Variants in BNC2 observed in about 807,000 individuals in gnomAD.
The protein encoded by BNC2 is zinc finger protein basonuclin-2.
A neutral mutation model predicts 76.3 loss-of-function variants in BNC2; 20 were observed. The ratio of observed to expected loss-of-function variants is 0.26; its 90% CI spans 0.18 to 0.38. BNC2 has a LOEUF of 0.38. BNC2 is among the 10% of genes least tolerant of loss of function. BNC2 has a pLI of 1.00. For synonymous variants in BNC2, 582 were observed against 514.8 expected (o/e 1.13, Z -1.77); for missense variants, 1,382 against 1,399.8 (o/e 0.99, Z 0.20).
In BNC2 at chr9:16,417,330, G is replaced by C. The variant is rs1820606022; in HGVS notation, c.*1659C>G. The C allele has an allele frequency of 6.6e-6, 1 of 152,472 alleles. No individual in the cohort carries two copies. The highest frequency in any genetic ancestry group is 2.1e-4 in the South Asian group (1 of 4,828). The allele number at this position is 152,472 out of a possible 1,614,324, so 9.4% of individuals were successfully genotyped here. On this transcript the variant is annotated 3_prime_UTR_variant, in exon 7 of 7. Coordinates refer to ENST00000380672, the MANE Select transcript of BNC2 (RefSeq NM_017637.6). ...ATCGGAAACAAAACAAAACAAAAAA[G>C]GTTTGGAGAATAGTCTCTCTCCTCT...
At chr9:16,604,222 T>G (rs1820318573) in intron 3 of BNC2, among the ~76,000 whole-genome samples, 1 of 152,132 alleles carries the variant, frequency 6.6e-6, no homozygotes, top group South Asian at 2.1e-4. Context: ...AATTAGAACC[T>G]CTTTCTCTCT....
intron 3 of BNC2, among the ~76,000 whole-genome samples, chr9:16,602,222 T>C (rs940367083): frequency 1.6e-4 from 24 of 152,208 alleles, no homozygotes; most frequent in African/African-American, 5.1e-4. Context: ...CTCTTCTGGT[T>C]TCTTATTTAA....
intron 5 of BNC2, among the ~76,000 whole-genome samples, chr9:16,439,104 G>A (rs1821076872): frequency 2.0e-5 from 3 of 152,194 alleles, no homozygotes; most frequent in Admixed American, 2.0e-4. Flanking sequence ...TTCCATGTAA[G>A]ATGTGACTTT....
intron 1 of BNC2, among the ~76,000 whole-genome samples, chr9:16,774,183 T>C (rs1404097429): frequency 1.3e-5 from 2 of 152,128 alleles, no homozygotes; most frequent in African/African-American, 4.8e-5. Context: ...GGTTTCACCA[T>C]ATTGGCCAGG....
At chr9:16,465,796 T>C (rs867059473) in intron 5 of BNC2, among the ~76,000 whole-genome samples, 1 of 152,168 alleles carries the variant, frequency 6.6e-6, no homozygotes, top group Non-Finnish European at 1.5e-5. Context: ...GTACAGAGTA[T>C]GCAATTAAAA....
intron 5 of BNC2, among the ~76,000 whole-genome samples, chr9:16,542,064 T>A (rs996359226): frequency 6.6e-6 from 1 of 152,094 alleles, no homozygotes; most frequent in African/African-American, 2.4e-5. Context: ...AGTAACCACA[T>A]TACTCACACT....
intron 3 of BNC2, among the ~76,000 whole-genome samples, chr9:16,664,406 C>T (rs558735103): frequency 1.3e-5 from 2 of 152,282 alleles, no homozygotes; most frequent in South Asian, 4.1e-4. Context: ...ACTTTCCTAT[C>T]CAGAGAAATT....
rs964648625 is a variant in BNC2 at position 16,624,974 on chromosome 9, G to A, written c.331-41889C>T. Among the ~76,000 whole-genome samples, 6 of 152,202 alleles carry A rather than the reference G, an allele frequency of 3.9e-5. No homozygotes were observed. The South Asian group carries it at 1.2e-3, about 31-fold the overall frequency. On this transcript the variant is annotated intron_variant, in intron 3 of 6. Coordinates refer to ENST00000380672, the MANE Select transcript of BNC2 (RefSeq NM_017637.6). ...AAAGTTAGAAGAGAGCACCTCGCAT[G>A]TAATAGCAGGCAGCTGGGAAGCCAA...
chr9:16,431,449 G>A, intron 6 of BNC2: 4 of 470,418 alleles, frequency 8.5e-6, no homozygotes, highest in Non-Finnish European at 1.8e-5. Flanking sequence ...TCTCCCGTAT[G>A]AAGACAGCAG....
intron 3 of BNC2, among the ~76,000 whole-genome samples, chr9:16,658,018 CAA>C (rs1821980596): frequency 6.6e-6 from 1 of 152,012 alleles, no homozygotes; most frequent in Non-Finnish European, 1.5e-5. Flanking sequence ...AACAGAAGTT[CAA>C]TAATAGACCG....
At chr9:16,516,295 C>T (rs760810750) in intron 5 of BNC2, among the ~76,000 whole-genome samples, 24 of 150,682 alleles carry the variant, frequency 1.6e-4, no homozygotes, top group Non-Finnish European at 5.9e-5. Context: ...TCTTGTGATG[C>T]CGCCTCAGGT....
intron 1 of BNC2, among the ~76,000 whole-genome samples, chr9:16,852,178 TCA>T (rs746551933): frequency 5.3e-5 from 8 of 152,192 alleles, no homozygotes; most frequent in Non-Finnish European, 8.8e-5. Flanking sequence ...CTATCCAGTC[TCA>T]GTTTTTTTGA....
chr9:16,740,481 T>G (rs1481845943), intron 1 of BNC2, among the ~76,000 whole-genome samples: 1 of 152,210 alleles, frequency 6.6e-6, no homozygotes, highest in Non-Finnish European at 1.5e-5. Context: ...TTATTAGGCT[T>G]TGTGTCATAA....
intron 1 of BNC2, among the ~76,000 whole-genome samples, chr9:16,760,487 C>T (rs1406054967): frequency 3.3e-5 from 5 of 151,948 alleles, no homozygotes; most frequent in African/African-American, 4.8e-5. Flanking sequence ...GGATAAAATG[C>T]CTAAAAAGGC....
chr9:16,516,362 C>A (rs12347244), intron 5 of BNC2, among the ~76,000 whole-genome samples: 1 of 150,270 alleles, frequency 6.7e-6, no homozygotes, highest in South Asian at 2.1e-4. Context: ...AATGATTATG[C>A]GGAAACTTAA....
At chr9:16,457,206 T>C (rs1044933952) in intron 5 of BNC2, among the ~76,000 whole-genome samples, 1 of 152,168 alleles carries the variant, frequency 6.6e-6, no homozygotes, top group African/African-American at 2.4e-5. Context: ...AGGAAGAAGA[T>C]CATATGGAAC....
chr9:16,598,951 G>A (rs917271322), intron 3 of BNC2, among the ~76,000 whole-genome samples: 4 of 151,926 alleles, frequency 2.6e-5, no homozygotes, highest in Non-Finnish European at 4.4e-5. Context: ...TATTAAATAG[G>A]GTTGTGCCTT....
rs549169864 is a variant in BNC2, at chr9:16,604,807, A to AAAAAG, written c.331-21727_331-21723dup. 6.2e-4 allele frequency among the ~76,000 whole-genome samples: 83 copies of AAAAAG among 133,806 alleles called. 1 individual carries two copies. Among genetic ancestry groups the AAAAAG allele is most frequent in the African/African-American group, 1.7e-3 (66 of 38,616 alleles). 87.8% of individuals were successfully genotyped at this position (133,806 alleles called of 152,430 possible). A position where few individuals can be genotyped will look rare whatever the true frequency, so the allele number is the denominator to read the frequency against. On this transcript the variant is annotated intron_variant, in intron 3 of 6. Transcript: ENST00000380672. ...AACAGAGAGAGATTCCAACTCAAGAAAAAAGAAAAGAAAAGAAAAGGTTAA... is the reference window on the plus strand; with the variant it reads ...AACAGAGAGAGATTCCAACTCAAGAAAAAAGAAAAGAAAAGAAAAGAAAAGGTTAA...
rs1007693084 is a variant in BNC2 at position 16,682,030 on chromosome 9, GAAA to G, written c.330+45764_330+45766del. ...AGCACAAGGTCATCTATTTGGAACA[GAAA>G]AAAAAAAGAGAGAGTGAACTTTTAT... On this transcript the variant is annotated intron_variant, in intron 3 of 6. Coordinates refer to ENST00000380672, the MANE Select transcript of BNC2 (RefSeq NM_017637.6). 5.4e-5 allele frequency among the ~76,000 whole-genome samples: 8 copies of G among 147,842 alleles called. No homozygotes were observed. In the South Asian group the frequency reaches 1.5e-3, roughly 28 times the overall value.
Sources: allele counts gnomAD v4.1 joint callset (sites outside exome capture counted in the v4.1 genomes callset), GRCh38; gene constraint gnomAD v4.1.1; transcripts MANE v1.5; gene names NCBI Gene and HGNC (gene_info 2026-07-23, HGNC 2026-07-21).